The following ESYT3 variants were observed in gnomAD, a reference collection of about 807,000 sequenced individuals.
ESYT3 encodes the protein extended synaptotagmin 3, also known as extended synaptotagmin-3.
In ESYT3, 101 loss-of-function variants were observed where a neutral mutation model predicts 111.5. The ratio of observed to expected loss-of-function variants is 0.91; its 90% CI spans 0.77 to 1.07. ESYT3 has a LOEUF of 1.07. ESYT3 is among the 50% of genes least tolerant of loss of function. ESYT3 has a pLI of 0.00. For missense variants in ESYT3, 1,097 were observed against 1,109.4 expected, an observed-to-expected ratio of 0.99 and a Z score of 0.16; for synonymous variants, 416 against 446.8, an observed-to-expected ratio of 0.93 and a Z score of 0.87.
chr3:138,455,453 G>T (rs1025808447), intron 3 of ESYT3, 125 bp downstream of exon 3: 47 of 1,008,790 alleles, frequency 4.7e-5, no homozygotes, highest in African/African-American at 5.8e-5. Context: ...GACCTTACAG[G>T]GGGACACCCT....
Position 138,476,256 on chromosome 3 carries a change from G to A in ESYT3, c.2502G>A (p.Lys834=), listed in dbSNP as rs1405027649. The part of the protein sequence containing the change: ...FEFFVPMEEV[K]KRSLDVAVKN... ...TTTTTGTTCCCATGGAAGAAGTAAA[G>A]AAGAGGTCACTAGATGTTGCAGTGA... The change falls in exon 21 of 23, where the codon AAG becomes AAA. Residue 834 remains lysine (K), a synonymous_variant. Transcript: ENST00000389567. The A allele has an allele frequency of 5.0e-6, 8 of 1,613,792 alleles. No individual in the cohort carries two copies. The highest frequency in any genetic ancestry group is 6.8e-6 in the Non-Finnish European group (8 of 1,179,824).
At chr3:138,438,812 T>A (rs1001230903) in intron 1 of ESYT3, among the ~76,000 whole-genome samples, 4 of 152,218 alleles carry the variant, frequency 2.6e-5, no homozygotes, top group Admixed American at 6.5e-5. Context: ...GAAGGAAGAA[T>A]TCTCCTTACT....
At chr3:138,450,488 C>T (rs2031849713) in intron 1 of ESYT3, among the ~76,000 whole-genome samples, 1 of 152,140 alleles carries the variant, frequency 6.6e-6, no homozygotes, top group Non-Finnish European at 1.5e-5. Context: ...GGAACCAGGC[C>T]GTATTTTCTC....
chr3:138,443,613 G>C (rs1217263312), intron 1 of ESYT3, among the ~76,000 whole-genome samples: 1 of 152,158 alleles, frequency 6.6e-6, no homozygotes, highest in Non-Finnish European at 1.5e-5. Flanking sequence ...TTGGAGTAGG[G>C]AAGAGCCATG....
chr3:138,438,349 C>T (rs946079714), intron 1 of ESYT3, among the ~76,000 whole-genome samples: 3 of 152,288 alleles, frequency 2.0e-5, no homozygotes, highest in Non-Finnish European at 2.9e-5. Context: ...CATTGCATGT[C>T]GTGTGAGTTG....
At chr3:138,437,782 G>T (rs1350136052) in intron 1 of ESYT3, among the ~76,000 whole-genome samples, 2 of 152,236 alleles carry the variant, frequency 1.3e-5, no homozygotes, top group South Asian at 4.2e-4. Flanking sequence ...TTAGATGCGT[G>T]GTGGCCTCTA....
At chr3:138,481,373 CT>C (rs199778667), downstream of ESYT3, 54 of 147,226 alleles carry the variant, frequency 3.7e-4, no homozygotes, top group Non-Finnish European at 5.0e-4. Flanking sequence ...GAGATCCCAT[CT>C]TTTTTTTTTT....
At chr3:138,443,694 G>A (rs1039690655) in intron 1 of ESYT3, among the ~76,000 whole-genome samples, 2 of 151,428 alleles carry the variant, frequency 1.3e-5, no homozygotes, top group African/African-American at 4.9e-5. Context: ...TGTTTAGTTT[G>A]TGTGTGTCTG....
At position 138,434,979 on chromosome 3, in the gene ESYT3, T is replaced by C. The variant is rs766465037; in HGVS notation, c.181T>C (p.Trp61Arg). 13 of 1,558,012 alleles carry C rather than the reference T, an allele frequency of 8.3e-6. No individual in the cohort carries two copies. The East Asian group carries it at 3.1e-4, about 37-fold the overall frequency. Residue 61 changes from tryptophan to arginine, a missense_variant, in exon 1 of 23, where the codon TGG becomes CGG. By Grantham distance (101) the Trp-to-Arg change is moderately radical. Coordinates refer to ENST00000389567, the MANE Select transcript of ESYT3 (RefSeq NM_031913.5). Reference sequence around the variant, plus strand: ...TGGCTACCTGGGGCTCAGCATAACCTGGTTGCTGCTCGGCGCCCTGCTGTG... The same window carrying C: ...TGGCTACCTGGGGCTCAGCATAACCCGGTTGCTGCTCGGCGCCCTGCTGTG... ...LAGYLGLSIT[W>R]LLLGALLWMW...
At chr3:138,461,013 G>A (rs1323436136) in intron 7 of ESYT3, among the ~76,000 whole-genome samples, 1 of 152,212 alleles carries the variant, frequency 6.6e-6, no homozygotes, top group Admixed American at 6.5e-5. Flanking sequence ...AGGGGAGGCT[G>A]TGTGGCTCTG....
chr3:138,464,642 A>G (rs1223781041), intron 9 of ESYT3, 127 bp downstream of exon 9: 1 of 1,032,034 alleles, frequency 9.7e-7, no homozygotes, highest in East Asian at 2.5e-5. Flanking sequence ...CTGCTCCTGT[A>G]TCTACCAGGC....
chr3:138,449,144 G>C (rs2031765703), intron 1 of ESYT3, among the ~76,000 whole-genome samples: 1 of 147,436 alleles, frequency 6.8e-6, no homozygotes, highest in Non-Finnish European at 1.5e-5. Context: ...GAGTGCAGTG[G>C]TGTGACCTCG....
intron 1 of ESYT3, among the ~76,000 whole-genome samples, chr3:138,444,075 T>C (rs528583831): frequency 2.9e-4 from 44 of 152,344 alleles, no homozygotes; most frequent in African/African-American, 9.9e-4. Context: ...TGTGGGCCTC[T>C]TTGGTGGCCT....
In ESYT3 at chr3:138,435,706, T is replaced by A. The variant is rs532339875; in HGVS notation, c.327+581T>A. On this transcript the variant is annotated intron_variant, in intron 1 of 22. Transcript: ENST00000389567. The surrounding 1 kb of genome is among the most constrained non-coding windows in gnomAD (Gnocchi z 4.8). The stretch of plus-strand genomic sequence containing the variant: ...CCTCCCTCCCTCCGCCGGATAGGGA[T>A]GCCGGCACACGCACACTGCCCCGAC... Among the ~76,000 whole-genome samples, 1 of 151,818 alleles carries A rather than the reference T, an allele frequency of 6.6e-6. No homozygotes were observed. The highest frequency in any genetic ancestry group is 2.1e-4 in the South Asian group (1 of 4,810).
chr3:138,459,291 C>A (rs1254562846), intron 5 of ESYT3, 38 bp downstream of exon 5: 1 of 1,488,302 alleles, frequency 6.7e-7, no homozygotes, highest in East Asian at 2.4e-5. Flanking sequence ...TGTTCCAGCC[C>A]CCAGGGTGGG....
rs368599751 is a variant in ESYT3 at position 138,466,289 on chromosome 3, G to T, written c.1169+868G>T. Among the ~76,000 whole-genome samples the T allele has an allele frequency of 2.6e-5, 4 of 152,202 alleles. No homozygotes were observed. The South Asian group carries it at 8.3e-4, about 31-fold the overall frequency. On this transcript the variant is annotated intron_variant, in intron 10 of 22. Transcript: ENST00000389567. ...TTTACCCAAATCTTCAGATTGCTGT[G>T]TTGTTTAGCTTGTTTCCAAGATCAT...
At chr3:138,449,383 G>C (rs1421271397) in intron 1 of ESYT3, among the ~76,000 whole-genome samples, 2 of 152,102 alleles carry the variant, frequency 1.3e-5, no homozygotes, top group African/African-American at 4.8e-5. Flanking sequence ...ATAGTTCCCG[G>C]CCTTGCTTCC....
rs2030614642 is a variant in ESYT3, at chr3:138,435,674, C to T, written c.327+549C>T. The stretch of plus-strand genomic sequence containing the variant: ...AGACCGACGGCGCCGGGCCCCGGGC[C>T]TCCTTCCCTCCCTCCCTCCGCCGGA... On this transcript the variant is annotated intron_variant, in intron 1 of 22. Transcript: ENST00000389567. This position sits in a 1 kb window ranked among gnomAD's most constrained non-coding sequence, Gnocchi z 4.8. Among the ~76,000 whole-genome samples, 1 of 150,866 alleles carries T rather than the reference C, an allele frequency of 6.6e-6. No individual in the cohort carries two copies. The highest frequency in any genetic ancestry group is 2.1e-4 in the South Asian group (1 of 4,724).
intron 1 of ESYT3, among the ~76,000 whole-genome samples, chr3:138,444,179 C>T (rs1204097855): frequency 1.3e-5 from 2 of 152,172 alleles, no homozygotes; most frequent in East Asian, 3.8e-4. Flanking sequence ...CCTAAAAACA[C>T]TGTCATTAAA....
Sources: allele counts gnomAD v4.1 joint callset (sites outside exome capture counted in the v4.1 genomes callset), GRCh38; gene constraint gnomAD v4.1.1; non-coding constraint Gnocchi (gnomAD v3.1); transcripts MANE v1.5; gene names NCBI Gene and HGNC (gene_info 2026-07-23, HGNC 2026-07-21).